ME3: variants seen among roughly 807,000 people sequenced by gnomAD.
ME3 encodes the protein malic enzyme 3.
A neutral mutation model predicts 68.9 loss-of-function variants in ME3; 48 were observed. That is an observed-to-expected ratio of 0.70 (90% CI 0.55 to 0.89). The LOEUF (loss-of-function observed/expected upper bound fraction) is 0.89. Ranked by LOEUF, ME3 falls within the 40% of genes least tolerant of loss-of-function variation. The pLI is 0.00. For synonymous variants in ME3, 320 were observed against 318.8 expected, an observed-to-expected ratio of 1.00 and a Z score of -0.04; for missense variants, 675 against 797.4, an observed-to-expected ratio of 0.85 and a Z score of 1.85.
chr11:86,540,453 T>G lies in ME3; in HGVS notation c.467+16100A>C, dbSNP rs148037940. ...CTCTTGAACCTGGTGCCACCCCCAG[T>G]GGAGTGGATAGGGGTTTGGTATGAC... On this transcript the variant is annotated intron_variant, in intron 4 of 14. Coordinates refer to ENST00000543262, the Ensembl canonical transcript of ME3. 3.6e-3 allele frequency among the ~76,000 whole-genome samples: 555 copies of G among 152,218 alleles called. 3 individuals carry two copies. Among genetic ancestry groups the G allele is most frequent in the African/African-American group, 0.013 (540 of 41,520 alleles).
intron 4 of ME3, among the ~76,000 whole-genome samples, chr11:86,553,839 T>C (rs7103271): frequency 0.24 from 35,862 of 151,968 alleles, 4,666 homozygotes; most frequent in East Asian, 0.54. Flanking sequence ...TGCAACGACA[T>C]CCCACCCAGA....
At chr11:86,576,906 T>C (rs1445904170) in intron 2 of ME3, among the ~76,000 whole-genome samples, 1 of 152,192 alleles carries the variant, frequency 6.6e-6, no homozygotes, top group Admixed American at 6.5e-5. Flanking sequence ...TCTGATTCTA[T>C]TCAAATTTGG....
chr11:86,640,295 G>A (rs117578240), intron 2 of ME3, among the ~76,000 whole-genome samples: 1 of 152,200 alleles, frequency 6.6e-6, no homozygotes, highest in Admixed American at 6.5e-5. Flanking sequence ...AGCACAAAAG[G>A]CAAGCAAAGT....
intron 7 of ME3, among the ~76,000 whole-genome samples, chr11:86,486,076 T>G (rs1472590953): frequency 6.6e-6 from 1 of 152,056 alleles, no homozygotes; most frequent in Non-Finnish European, 1.5e-5. Context: ...TCCCCCTCGC[T>G]CCCACCACCA....
chr11:86,648,002 T>C (rs972817557), intron 2 of ME3, among the ~76,000 whole-genome samples: 1 of 152,194 alleles, frequency 6.6e-6, no homozygotes, highest in Non-Finnish European at 1.5e-5. Context: ...GACCACATAA[T>C]TGGAAGTAAA....
At chr11:86,554,905 T>G (rs976723458) in intron 4 of ME3, among the ~76,000 whole-genome samples, 2 of 152,028 alleles carry the variant, frequency 1.3e-5, no homozygotes, top group African/African-American at 4.8e-5. Flanking sequence ...ACTAAAAACA[T>G]GAAAAACAAA....
chr11:86,458,871 T>G lies in ME3; in HGVS notation c.919+6220A>C, dbSNP rs188451364. 6.2e-3 allele frequency among the ~76,000 whole-genome samples: 948 copies of G among 152,296 alleles called. 12 individuals carry two copies. Among genetic ancestry groups the G allele is most frequent in the African/African-American group, 0.022 (908 of 41,560 alleles). On this transcript the variant is annotated intron_variant, in intron 8 of 14. Coordinates refer to ENST00000543262, the Ensembl canonical transcript of ME3. ...CATTCCTGCCTGTCTGCCTCTTCCC[T>G]ATTGTGGCATCTGAAGCCTGTGCAA...
rs139086718 is a variant in ME3, at chr11:86,568,977, G to A, written c.184-9154C>T. On this transcript the variant is annotated intron_variant, in intron 2 of 14. Transcript: ENST00000543262. ...CCTGGGCCTCTGCCTTGGGCAAGCT[G>A]CTTCTCCCACTTATTAAATGAAGTG... 1.1e-4 allele frequency among the ~76,000 whole-genome samples: 17 copies of A among 152,338 alleles called. No individual in the cohort carries two copies. In the East Asian group the frequency reaches 3.3e-3, roughly 29 times the overall value.
intron 2 of ME3, among the ~76,000 whole-genome samples, chr11:86,631,562 C>T (rs1944017836): frequency 6.6e-6 from 1 of 152,164 alleles, no homozygotes; most frequent in Non-Finnish European, 1.5e-5. Flanking sequence ...AGCTCCTTCT[C>T]AGACCTAATA....
chr11:86,475,896 GAGAGAA>G (rs1951055021), intron 7 of ME3, among the ~76,000 whole-genome samples: 2 of 148,682 alleles, frequency 1.3e-5, no homozygotes, highest in South Asian at 4.3e-4. Flanking sequence ...GAGAGAGAGA[GAGAGAA>G]AGAGAAAGAG....
chr11:86,639,337 G>A (rs748943949), intron 2 of ME3, among the ~76,000 whole-genome samples: 6 of 152,168 alleles, frequency 3.9e-5, no homozygotes, highest in Non-Finnish European at 7.4e-5. Flanking sequence ...GAATGAATAA[G>A]AAGTGAGTCA....
chr11:86,500,135 C>G (rs961909419), intron 5 of ME3, among the ~76,000 whole-genome samples: 1 of 152,148 alleles, frequency 6.6e-6, no homozygotes, highest in African/African-American at 2.4e-5. Context: ...AGACTATGCC[C>G]TCATGCTGCC....
chr11:86,551,853 G>A (rs1020832436), intron 4 of ME3, among the ~76,000 whole-genome samples: 13 of 152,294 alleles, frequency 8.5e-5, no homozygotes, highest in South Asian at 4.1e-4. Context: ...CAGAGCTTCC[G>A]ACTACATAAA....
intron 2 of ME3, among the ~76,000 whole-genome samples, chr11:86,591,461 G>A (rs1959056579): frequency 6.6e-6 from 1 of 152,188 alleles, no homozygotes; most frequent in Admixed American, 6.5e-5. Flanking sequence ...TTAGAACACA[G>A]ACAACACAGA....
At chr11:86,664,245 C>T (rs1289370302) in intron 2 of ME3, among the ~76,000 whole-genome samples, 1 of 152,196 alleles carries the variant, frequency 6.6e-6, no homozygotes, top group Admixed American at 6.5e-5. Context: ...CCCATAATCT[C>T]ACTGACATAA....
At chr11:86,530,902 G>T (rs1435203484) in intron 4 of ME3, among the ~76,000 whole-genome samples, 2 of 54,068 alleles carry the variant, frequency 3.7e-5, no homozygotes, top group Non-Finnish European at 8.4e-5. Flanking sequence ...AACCCTAGAA[G>T]AAAACCTAGG....
At chr11:86,562,087 C>T (rs1292148054) in intron 2 of ME3, among the ~76,000 whole-genome samples, 1 of 152,128 alleles carries the variant, frequency 6.6e-6, no homozygotes, top group Admixed American at 6.6e-5. Context: ...CTTTCCTTCC[C>T]CAAACCTCTG....
intron 2 of ME3, among the ~76,000 whole-genome samples, chr11:86,590,683 A>C (rs150569059): frequency 1.4e-3 from 216 of 152,262 alleles, no homozygotes; most frequent in African/African-American, 4.9e-3. Flanking sequence ...TCAGACCAGA[A>C]TGACATGGGT....
intron 2 of ME3, among the ~76,000 whole-genome samples, chr11:86,564,130 G>T (rs138347149): frequency 1.3e-5 from 2 of 152,210 alleles, no homozygotes; most frequent in Admixed American, 6.5e-5. Context: ...TTTCAGCAGG[G>T]TTTTGTAGTT....
Sources: gnomAD v4.1 joint callset for allele counts (sites outside exome capture counted in the v4.1 genomes callset) on GRCh38, gnomAD v4.1.1 for gene constraint, MANE v1.5 for transcripts, NCBI Gene and HGNC (gene_info 2026-07-23, HGNC 2026-07-21) for gene names.